ANK1: variants seen among roughly 807,000 people sequenced by gnomAD.
ANK1 encodes the protein ankyrin 1.
ANK1 carries 51 observed loss-of-function variants against 210.4 expected under a neutral mutation model. The ratio of observed to expected loss-of-function variants is 0.24; its 90% CI spans 0.19 to 0.31. ANK1 has a LOEUF of 0.31. Among genes scored for constraint, ANK1 ranks in the 10% least tolerant of loss-of-function variants. ANK1 has a pLI of 1.00. For synonymous variants in ANK1, 967 were observed against 1,025.9 expected (o/e 0.94, Z 1.10); for missense variants, 2,051 against 2,504.4 (o/e 0.82, Z 3.86).
chr8:41,685,926 A>G (rs1817570411), intron 36 of ANK1, among the ~76,000 whole-genome samples: 1 of 152,214 alleles, frequency 6.6e-6, no homozygotes, highest in South Asian at 2.1e-4. Context: ...TGCAATTTTT[A>G]TCTTATTCCA....
At chr8:41,797,755 G>A (rs1849067624), upstream of ANK1, 1 of 598,202 alleles carries the variant, frequency 1.7e-6, no homozygotes, top group Non-Finnish European at 2.7e-6. This position sits in a 1 kb window ranked among gnomAD's most constrained non-coding sequence, Gnocchi z 4.0. Context: ...GATTACAAGA[G>A]CACCTCCTCC....
chr8:41,689,419 C>T (rs576542128), intron 33 of ANK1, among the ~76,000 whole-genome samples: 10 of 152,188 alleles, frequency 6.6e-5, no homozygotes, highest in African/African-American at 1.2e-4. Flanking sequence ...TGAGCCTCTG[C>T]GCCCAGCCTG....
At chr8:41,797,760 TC>T (rs1045553791), upstream of ANK1, 4 of 577,214 alleles carry the variant, frequency 6.9e-6, no homozygotes, top group African/African-American at 8.0e-5. The surrounding 1 kb of genome is among the most constrained non-coding windows in gnomAD (Gnocchi z 4.0). Context: ...CAAGAGCACC[TC>T]CTCCCCCAAC....
At chr8:41,772,553 C>G (rs1296167018) in intron 1 of ANK1, among the ~76,000 whole-genome samples, 6 of 152,228 alleles carry the variant, frequency 3.9e-5, no homozygotes, top group Non-Finnish European at 1.5e-5. Context: ...ACTGCTTACC[C>G]AGGGTCAAAC....
At chr8:41,789,156 G>A (rs760656133) in intron 1 of ANK1, 1 of 152,196 alleles carries the variant, frequency 6.6e-6, no homozygotes, top group Non-Finnish European at 1.5e-5. Context: ...CCCACTTCCT[G>A]AGAACAAGAG....
chr8:41,761,373 A>ACG (rs950972318), intron 1 of ANK1, among the ~76,000 whole-genome samples: 14 of 72,706 alleles, frequency 1.9e-4, no homozygotes, highest in East Asian at 6.2e-4. Flanking sequence ...ACCTGTGTGC[A>ACG]CACACACACA....
chr8:41,814,744 T>C (rs995335573), intron 1 of ANK1, among the ~76,000 whole-genome samples: 1 of 151,778 alleles, frequency 6.6e-6, no homozygotes, highest in Non-Finnish European at 1.5e-5. Flanking sequence ...TTATTATTCA[T>C]TTTATTTCCA....
intron 1 of ANK1, among the ~76,000 whole-genome samples, chr8:41,796,359 G>A (rs181662391): frequency 6.2e-4 from 94 of 151,996 alleles, no homozygotes; most frequent in Middle Eastern, 3.4e-3. Context: ...CACATTGCAC[G>A]GGACACCTGC....
chr8:41,663,807 G>A, intron 39 of ANK1, 65 bp from the exon 40 acceptor site: 2 of 1,351,638 alleles, frequency 1.5e-6, no homozygotes, highest in Middle Eastern at 1.8e-4. Context: ...AAGGGTGGAG[G>A]ACGAGGAAAT....
intron 1 of ANK1, among the ~76,000 whole-genome samples, chr8:41,778,964 A>AG (rs1172459490): frequency 6.6e-6 from 1 of 152,168 alleles, no homozygotes; most frequent in African/African-American, 2.4e-5. Flanking sequence ...TTTATCCCAC[A>AG]GGGAAGTGGT....
intron 1 of ANK1, among the ~76,000 whole-genome samples, chr8:41,857,911 A>C (rs1812517196): frequency 6.6e-6 from 1 of 151,352 alleles, no homozygotes; most frequent in South Asian, 2.1e-4. Context: ...CTCAAAAATA[A>C]ATAAATAAAT....
intron 8 of ANK1, 46 bp from the exon 9 acceptor site, chr8:41,723,269 C>A (rs370583733): frequency 1.9e-6 from 3 of 1,594,416 alleles, no homozygotes; most frequent in Non-Finnish European, 2.6e-6. Flanking sequence ...AGGCAGCTAT[C>A]AGAGGCCATT....
At chr8:41,708,553 C>CT (rs1825318996) in intron 17 of ANK1, among the ~76,000 whole-genome samples, 1 of 152,136 alleles carries the variant, frequency 6.6e-6, no homozygotes, top group Non-Finnish European at 1.5e-5. Context: ...TCGGCAAAGG[C>CT]TTTGGCATCA....
chr8:41,723,544 G>T lies in ANK1; in HGVS notation c.801C>A (p.Thr267=). ...LLLDRGAQIE[T]KTKDELTPLH... Reference sequence around the variant, plus strand: ...ACCTGCTGGCACCCACCTTGGTCTTGGTTTCTATCTGGGCTCCCCGATCCA... The same window carrying T: ...ACCTGCTGGCACCCACCTTGGTCTTTGTTTCTATCTGGGCTCCCCGATCCA... The change falls in exon 8 of 43, where the codon ACC becomes ACA. Residue 267 remains threonine (T), a synonymous_variant. Coordinates refer to ENST00000289734, the MANE Select transcript of ANK1 (RefSeq NM_000037.4). The T allele has an allele frequency of 5.0e-6, 8 of 1,614,058 alleles. No homozygotes were observed. The highest frequency in any genetic ancestry group is 6.8e-6 in the Non-Finnish European group (8 of 1,180,000).
rs58318614 is a variant in ANK1 at position 41,803,045 on chromosome 8, A to G, written c.127-44908T>C. Reference sequence around the variant, plus strand: ...AGAAAGAAAGAAAGAAAGAAAGAGAAAGAAAGAAAGAGAGAAAGGAAGGAA... The same window carrying G: ...AGAAAGAAAGAAAGAAAGAAAGAGAGAGAAAGAAAGAGAGAAAGGAAGGAA... On this transcript the variant is annotated intron_variant, in intron 1 of 42. Coordinates refer to the ANK1 transcript ENST00000265709. 3.7e-3 allele frequency among the ~76,000 whole-genome samples: 267 copies of G among 71,566 alleles called. 1 individual carries two copies. Among genetic ancestry groups the G allele is most frequent in the African/African-American group, 0.013 (221 of 16,520 alleles). 47.0% of individuals were successfully genotyped at this position (71,566 alleles called of 152,430 possible). A position where few individuals can be genotyped will look rare whatever the true frequency, so the allele number is the denominator to read the frequency against.
chr8:41,753,217 A>T (rs774955831), intron 2 of ANK1, among the ~76,000 whole-genome samples: 26 of 152,078 alleles, frequency 1.7e-4, no homozygotes, highest in Admixed American at 6.6e-5. Flanking sequence ...GGTGCCTGCC[A>T]TCATGCCCGG....
chr8:41,660,732 C>T lies in ANK1; in HGVS notation c.*36+698G>A, dbSNP rs554679623. On this transcript the variant is annotated intron_variant, in intron 42 of 42. Transcript: ENST00000289734. ...CCTGACTTGCAGAAAGCACGTCGTC[C>T]ACCCCTTAGGCCTGTCGGCTCAGCC... 3.9e-5 allele frequency among the ~76,000 whole-genome samples: 6 copies of T among 152,328 alleles called. No homozygotes were observed. The East Asian group carries it at 1.2e-3, about 30-fold the overall frequency.
intron 16 of ANK1, among the ~76,000 whole-genome samples, chr8:41,711,870 G>A (rs10088944): frequency 2.4e-4 from 36 of 152,016 alleles, no homozygotes; most frequent in Admixed American, 2.4e-3. Context: ...ACCTCCAAAA[G>A]ACTTTATGGA....
chr8:41,895,834 C>T (rs1236471650), intron 1 of ANK1, among the ~76,000 whole-genome samples: 3 of 152,168 alleles, frequency 2.0e-5, no homozygotes, highest in Admixed American at 6.5e-5. Flanking sequence ...GACTCTCGTT[C>T]AGAGACACCT....
Sources: gnomAD v4.1 joint callset for allele counts (sites outside exome capture counted in the v4.1 genomes callset) on GRCh38, gnomAD v4.1.1 for gene constraint, Gnocchi (gnomAD v3.1) non-coding constraint, MANE v1.5 for transcripts, NCBI Gene and HGNC (gene_info 2026-07-23, HGNC 2026-07-21) for gene names.